CCDC171: variants seen among roughly 807,000 people sequenced by gnomAD.
CCDC171 encodes coiled-coil domain containing 171.
In CCDC171, 177 loss-of-function variants were observed where a neutral mutation model predicts 168.2. The observed-to-expected ratio is 1.05, with a 90% CI of 0.93 to 1.19. The LOEUF is 1.19. CCDC171 is among the 50% of genes most tolerant of loss of function. CCDC171 has a pLI of 0.00. For missense variants in CCDC171, 1,991 were observed against 1,539.0 expected (o/e 1.29, Z -4.91); for synonymous variants, 687 against 540.8 (o/e 1.27, Z -3.75).
At chr9:15,622,172 C>T (rs531251341) in intron 6 of CCDC171, among the ~76,000 whole-genome samples, 5 of 152,188 alleles carry the variant, frequency 3.3e-5, no homozygotes, top group South Asian at 4.2e-4. Flanking sequence ...GAAAAAATAA[C>T]TTTTGGGTTC....
chr9:15,882,526 C>A (rs1362979943), intron 24 of CCDC171, among the ~76,000 whole-genome samples: 1 of 152,084 alleles, frequency 6.6e-6, no homozygotes, highest in Non-Finnish European at 1.5e-5. Context: ...AGATCAGTGT[C>A]CTGGAGTGTT....
chr9:15,775,779 T>G (rs1200320779), intron 18 of CCDC171, among the ~76,000 whole-genome samples: 8 of 152,242 alleles, frequency 5.3e-5, no homozygotes, highest in Non-Finnish European at 7.3e-5. Flanking sequence ...TTAATTTCTC[T>G]TAGTATTCTT....
chr9:15,992,213 G>A (rs945813701), intron 3 of CCDC171, among the ~76,000 whole-genome samples: 1 of 152,092 alleles, frequency 6.6e-6, no homozygotes, highest in African/African-American at 2.4e-5. Context: ...CCAGCAGCAG[G>A]TCAAAAAGCT....
intron 24 of CCDC171, among the ~76,000 whole-genome samples, chr9:15,916,097 C>G (rs1824462265): frequency 1.3e-5 from 2 of 151,398 alleles, no homozygotes; most frequent in South Asian, 2.1e-4. Flanking sequence ...CTTTTATTAT[C>G]AAAGAGAAAT....
chr9:15,969,444 A>G (rs917485201), intron 25 of CCDC171, among the ~76,000 whole-genome samples: 4 of 152,300 alleles, frequency 2.6e-5, no homozygotes, highest in African/African-American at 9.6e-5. Context: ...CATATCACTA[A>G]TATTGACAAA....
chr9:15,606,461 G>C (rs1210071721), intron 6 of CCDC171, among the ~76,000 whole-genome samples: 1 of 152,172 alleles, frequency 6.6e-6, no homozygotes, highest in African/African-American at 2.4e-5. Flanking sequence ...CAAACACTTT[G>C]TAATTGTAGA....
At chr9:15,653,040 A>G (rs1385565346) in intron 7 of CCDC171, among the ~76,000 whole-genome samples, 1 of 152,218 alleles carries the variant, frequency 6.6e-6, no homozygotes, top group African/African-American at 2.4e-5. Flanking sequence ...ATATGTAGGA[A>G]TAGTTTGAGT....
Position 15,971,826 on chromosome 9 carries a change from T to C in CCDC171, c.3971T>C (p.Ile1324Thr), listed in dbSNP as rs1564091177. The C allele has an allele frequency of 6.2e-7, 1 of 1,611,762 alleles. No individual in the cohort carries two copies. Among genetic ancestry groups the C allele is most frequent in the South Asian group, 1.1e-5 (1 of 91,016 alleles). The change falls in exon 26 of 26, where the codon ATT (isoleucine) becomes ACT (threonine). Residue 1324 changes from isoleucine to threonine, a missense_variant. Physicochemically the swap from Ile to Thr is moderately conservative, Grantham distance 89. Coordinates refer to ENST00000380701, the MANE Select transcript of CCDC171 (RefSeq NM_173550.4). ...MSANANRPTQ[I>T]GL The stretch of plus-strand genomic sequence containing the variant: ...GCTAATGCCAACAGACCAACTCAGA[T>C]TGGATTATGACTTCATGAAATTAAA...
intron 18 of CCDC171, among the ~76,000 whole-genome samples, chr9:15,763,104 C>T (rs7023924): frequency 2.4e-4 from 36 of 152,244 alleles, no homozygotes; most frequent in African/African-American, 7.9e-4. Flanking sequence ...TTTAGGATTA[C>T]AGTTTTATTA....
At chr9:15,678,238 C>T (rs1455313354) in intron 9 of CCDC171, among the ~76,000 whole-genome samples, 3 of 151,630 alleles carry the variant, frequency 2.0e-5, no homozygotes, top group Admixed American at 6.6e-5. Flanking sequence ...AATAGGAAGG[C>T]GAATCCTTTG....
At chr9:16,031,656 C>T (rs990870615) in intron 6 of CCDC171, among the ~76,000 whole-genome samples, 1 of 152,164 alleles carries the variant, frequency 6.6e-6, no homozygotes, top group African/African-American at 2.4e-5. Context: ...CTTATGGGCC[C>T]CCTGAGGACA....
chr9:15,712,837 G>C (rs1015996745), intron 11 of CCDC171, among the ~76,000 whole-genome samples: 1 of 152,192 alleles, frequency 6.6e-6, no homozygotes, highest in Admixed American at 6.5e-5. Flanking sequence ...TGCTGAGCCT[G>C]TGTATTACCT....
At chr9:15,563,652 C>G (rs1419649640) in intron 1 of CCDC171, among the ~76,000 whole-genome samples, 1 of 152,114 alleles carries the variant, frequency 6.6e-6, no homozygotes, top group Non-Finnish European at 1.5e-5. Flanking sequence ...TGAGATCTCC[C>G]CATTCCCACA....
chr9:15,864,941 G>C (rs897698093), intron 23 of CCDC171, among the ~76,000 whole-genome samples: 13 of 152,054 alleles, frequency 8.5e-5, no homozygotes, highest in African/African-American at 3.1e-4. Flanking sequence ...AGTTTGGAAA[G>C]ATTAACTGAA....
At chr9:15,658,483 C>T (rs2048096371) in intron 8 of CCDC171, among the ~76,000 whole-genome samples, 1 of 152,200 alleles carries the variant, frequency 6.6e-6, no homozygotes, top group Non-Finnish European at 1.5e-5. Context: ...AAGATGTCCA[C>T]ATCTGCCCTT....
At position 15,582,372 on chromosome 9, in the gene CCDC171, C is replaced by T. The variant is rs577192967; in HGVS notation, c.352+3349C>T. Among the ~76,000 whole-genome samples, 3 of 152,226 alleles carry T rather than the reference C, an allele frequency of 2.0e-5. No individual in the cohort carries two copies. The East Asian group carries it at 5.8e-4, about 29-fold the overall frequency. On this transcript the variant is annotated intron_variant, in intron 4 of 25. Transcript: ENST00000380701. ...TAAACTGTTGTGGAAGACAGTGTGG[C>T]GATTCCTCAAGGATCTAGAACTAGA...
At chr9:16,071,455 A>G in the CCDC171 span, among the ~76,000 whole-genome samples, 1 of 152,070 alleles carries the variant, frequency 6.6e-6, no homozygotes, top group Non-Finnish European at 1.5e-5. Flanking sequence ...CAGACTTTCC[A>G]GCTACTCTTG....
At position 15,617,524 on chromosome 9, in the gene CCDC171, A is replaced by C. The variant is rs185822375; in HGVS notation, c.676-5743A>C. On this transcript the variant is annotated intron_variant, in intron 6 of 25. Transcript: ENST00000380701. ...CCCAAGTAGCTGGGACTACAGGTGCACGCCACCACACCCGGCTAATTTTTT... is the reference window on the plus strand; with the variant it reads ...CCCAAGTAGCTGGGACTACAGGTGCCCGCCACCACACCCGGCTAATTTTTT... 2.7e-3 allele frequency among the ~76,000 whole-genome samples: 410 copies of C among 151,716 alleles called. 2 individuals are homozygous for C. The highest frequency in any genetic ancestry group is 9.2e-3 in the African/African-American group (382 of 41,378).
chr9:15,898,032 A>G (rs901110251), intron 24 of CCDC171, among the ~76,000 whole-genome samples: 6 of 152,194 alleles, frequency 3.9e-5, no homozygotes, highest in Non-Finnish European at 8.8e-5. Flanking sequence ...GAAGGCAGCT[A>G]TAATCCTGGT....
Sources: gnomAD v4.1 joint callset for allele counts (sites outside exome capture counted in the v4.1 genomes callset) on GRCh38, gnomAD v4.1.1 for gene constraint, MANE v1.5 for transcripts, NCBI Gene and HGNC (gene_info 2026-07-23, HGNC 2026-07-21) for gene names.